The following BMPER variants were observed in gnomAD, a reference collection of about 807,000 sequenced individuals.
BMPER encodes the protein BMP-binding endothelial regulator protein.
BMPER carries 45 observed loss-of-function variants against 87.3 expected under a neutral mutation model. That is an observed-to-expected ratio of 0.52 (90% CI 0.41 to 0.66). The LOEUF is 0.66. BMPER is among the 30% of genes least tolerant of loss of function. The probability of loss-of-function intolerance (pLI) is 0.00; values close to 1 mark genes in which losing one functional copy is unlikely to be tolerated. For missense variants in BMPER, 784 were observed against 867.5 expected (o/e 0.90, Z 1.21); for synonymous variants, 326 against 316.2 (o/e 1.03, Z -0.33).
At chr7:34,023,943 G>T (rs1787268316) in intron 6 of BMPER, among the ~76,000 whole-genome samples, 2 of 150,890 alleles carry the variant, frequency 1.3e-5, no homozygotes, top group South Asian at 4.2e-4. Flanking sequence ...GTTAAAGTAT[G>T]CCAAAGTTGA....
chr7:34,153,047 G>A (rs368357638), intron 14 of BMPER, 45 bp from the exon 15 acceptor site: 281 of 1,608,496 alleles, frequency 1.7e-4, no homozygotes, highest in Non-Finnish European at 2.3e-4. Flanking sequence ...GTGAATTAAT[G>A]GGGCCTTTCT....
intron 13 of BMPER, among the ~76,000 whole-genome samples, chr7:34,124,462 T>G (rs75201272): frequency 5.8e-4 from 80 of 137,890 alleles, no homozygotes; most frequent in South Asian, 1.3e-3. Context: ...TTTTTTTTTT[T>G]TGTGACAGTA....
intron 6 of BMPER, among the ~76,000 whole-genome samples, chr7:34,022,781 G>T (rs1421047713): frequency 6.6e-6 from 1 of 150,958 alleles, no homozygotes; most frequent in African/African-American, 2.4e-5. Flanking sequence ...CTCAAGCAAC[G>T]CCTTCCTTTT....
chr7:34,153,411 G>A lies in BMPER; in HGVS notation c.*138G>A. On this transcript the variant is annotated 3_prime_UTR_variant, in exon 15 of 15. Transcript: ENST00000649409. The stretch of plus-strand genomic sequence containing the variant: ...GAGTATATATGTGTATATATATATA[G>A]ATATATTCAAAAACATTGCATCATT... 1.5e-6 allele frequency: 1 copy of A among 681,346 alleles called. No homozygotes were observed. Among genetic ancestry groups the A allele is most frequent in the Non-Finnish European group, 2.4e-6 (1 of 412,202 alleles). The allele number at this position is 681,346 out of a possible 1,614,324, so 42.2% of individuals were successfully genotyped here.
chr7:33,959,328 G>T (rs1345391577), intron 3 of BMPER, among the ~76,000 whole-genome samples: 1 of 151,876 alleles, frequency 6.6e-6, no homozygotes, highest in Admixed American at 6.6e-5. Flanking sequence ...TTTTCAAATT[G>T]TTTTTGGTAC....
At position 33,940,844 on chromosome 7, in the gene BMPER, A is replaced by C. The variant is rs541002318; in HGVS notation, c.319+3456A>C. Among the ~76,000 whole-genome samples the C allele has an allele frequency of 5.3e-3, 748 of 139,822 alleles. 6 individuals carry two copies. The highest frequency in any genetic ancestry group is 0.018 in the African/African-American group (651 of 36,316). The allele number at this position is 139,822 out of a possible 152,430, so 91.7% of individuals were successfully genotyped here. Reference sequence around the variant, plus strand: ...ATTTATATATATTACATATATTTATATATAATAGAATTTATATATATTATA... The same window carrying C: ...ATTTATATATATTACATATATTTATCTATAATAGAATTTATATATATTATA... On this transcript the variant is annotated intron_variant, in intron 3 of 14. Transcript: ENST00000649409.
At chr7:33,913,992 C>T (rs1352794158) in intron 2 of BMPER, among the ~76,000 whole-genome samples, 1 of 146,350 alleles carries the variant, frequency 6.8e-6, no homozygotes, top group Non-Finnish European at 1.5e-5. Context: ...GATGGAGTCT[C>T]GCTCAGTTGC....
chr7:34,009,984 T>G (rs1243674586), intron 6 of BMPER, among the ~76,000 whole-genome samples: 1 of 151,962 alleles, frequency 6.6e-6, no homozygotes, highest in Non-Finnish European at 1.5e-5. Context: ...TACCATGTTT[T>G]TCCCAGCTTC....
At chr7:34,151,550 A>C (rs1165711256) in intron 14 of BMPER, among the ~76,000 whole-genome samples, 1 of 152,176 alleles carries the variant, frequency 6.6e-6, no homozygotes, top group Non-Finnish European at 1.5e-5. Context: ...GGAATCAATA[A>C]GGCATAGATG....
intron 6 of BMPER, among the ~76,000 whole-genome samples, chr7:34,034,984 C>T (rs185497127): frequency 3.3e-5 from 5 of 152,306 alleles, no homozygotes; most frequent in Admixed American, 2.0e-4. Context: ...GGACCCCCCA[C>T]CACAGCTGGT....
chr7:34,136,279 G>A (rs977409022), intron 13 of BMPER, among the ~76,000 whole-genome samples: 3 of 152,130 alleles, frequency 2.0e-5, no homozygotes, highest in Non-Finnish European at 2.9e-5. Context: ...TGACAGTGGT[G>A]TTTTTTGTAC....
intron 13 of BMPER, among the ~76,000 whole-genome samples, chr7:34,117,985 A>T (rs1790160020): frequency 6.6e-6 from 1 of 152,186 alleles, no homozygotes; most frequent in South Asian, 2.1e-4. Context: ...ATTTCCATTT[A>T]CTTAACCGAG....
rs1790510034 is a variant in BMPER, at chr7:34,129,614, GAGAGAGAGAGAAAGAGAGAA to G, written c.1746-13612_1746-13593del. ...AGAGAGAGAGAGAGAGAGAGAAAGA[GAGAGAGAGAGAAAGAGAGAA>G]AGAAAGAAAGAAAGAAAGAAAGAAA... On this transcript the variant is annotated intron_variant, in intron 13 of 14. Coordinates refer to ENST00000649409, the MANE Select transcript of BMPER (RefSeq NM_001365308.1). Among the ~76,000 whole-genome samples the G allele has an allele frequency of 1.1e-3, 53 of 48,844 alleles. 1 individual carries two copies. The highest frequency in any genetic ancestry group is 0.011 in the Middle Eastern group (1 of 90). The allele number at this position is 48,844 out of a possible 152,430, so 32.0% of individuals were successfully genotyped here.
At chr7:33,906,939 C>T in intron 2 of BMPER, 36 bp downstream of exon 2, 1 of 1,519,158 alleles carries the variant, frequency 6.6e-7, no homozygotes. Flanking sequence ...AACTCAACTG[C>T]TCTCTCTGAT....
intron 4 of BMPER, among the ~76,000 whole-genome samples, chr7:33,968,671 C>T (rs985368279): frequency 1.3e-5 from 2 of 152,160 alleles, no homozygotes; most frequent in Admixed American, 6.5e-5. Context: ...TCTGGTAGAG[C>T]GCCTGCATGG....
intron 6 of BMPER, among the ~76,000 whole-genome samples, chr7:34,001,044 A>C (rs1293048746): frequency 2.0e-5 from 3 of 151,800 alleles, no homozygotes; most frequent in Non-Finnish European, 2.9e-5. Flanking sequence ...CTCACATGCT[A>C]TATCTTTTTT....
intron 3 of BMPER, among the ~76,000 whole-genome samples, chr7:33,961,495 A>T (rs1427294030): frequency 6.6e-6 from 1 of 152,224 alleles, no homozygotes; most frequent in Admixed American, 6.5e-5. Context: ...TACCACAGCC[A>T]GGAGAAACAG....
chr7:33,993,412 G>C (rs981653187), intron 6 of BMPER, among the ~76,000 whole-genome samples: 1 of 151,974 alleles, frequency 6.6e-6, no homozygotes, highest in Admixed American at 6.5e-5. Context: ...GATCACATTG[G>C]CTCCTGAGGC....
At chr7:34,055,348 T>C in intron 9 of BMPER, 45 bp downstream of exon 9, 1 of 1,612,024 alleles carries the variant, frequency 6.2e-7, no homozygotes, top group Non-Finnish European at 8.5e-7. Context: ...ATTACTACGC[T>C]GACAATTAAA....
Sources: gnomAD v4.1 joint callset for allele counts (sites outside exome capture counted in the v4.1 genomes callset) on GRCh38, gnomAD v4.1.1 for gene constraint, MANE v1.5 for transcripts, NCBI Gene and HGNC (gene_info 2026-07-23, HGNC 2026-07-21) for gene names.